PCDHGB1: variants seen among roughly 807,000 people sequenced by gnomAD.
The protein encoded by PCDHGB1 is protocadherin gamma subfamily B, 1.
A neutral mutation model predicts 56.6 loss-of-function variants in PCDHGB1; 34 were observed. The observed-to-expected ratio is 0.60, with a 90% confidence interval of 0.46 to 0.80. The LOEUF (loss-of-function observed/expected upper bound fraction) is 0.80. Among genes scored for constraint, PCDHGB1 ranks in the 30% least tolerant of loss-of-function variants. PCDHGB1 has a pLI of 0.00. For synonymous variants in PCDHGB1, 561 were observed against 505.9 expected (o/e 1.11, Z -1.46); for missense variants, 1,278 against 1,204.6 (o/e 1.06, Z -0.90).
intron 1 of PCDHGB1, among the ~76,000 whole-genome samples, chr5:141,368,592 A>T (rs1277512291): frequency 6.6e-6 from 1 of 152,198 alleles, no homozygotes; most frequent in South Asian, 2.1e-4. Flanking sequence ...TGTTTGGGAA[A>T]AAAGTAAAGG....
chr5:141,501,162 C>T (rs922957843), intron 2 of PCDHGB1, among the ~76,000 whole-genome samples: 1 of 152,134 alleles, frequency 6.6e-6, no homozygotes, highest in Non-Finnish European at 1.5e-5. Context: ...CCACCATCCC[C>T]AGCCTCATTT....
At chr5:141,398,683 C>T (rs910361681) in intron 1 of PCDHGB1, 1 of 1,613,796 alleles carries the variant, frequency 6.2e-7, no homozygotes, top group African/African-American at 1.3e-5. Flanking sequence ...TAAGGAGAAA[C>T]AGGATGGTAG....
At chr5:141,411,394 A>AC (rs958605809) in intron 1 of PCDHGB1, 4 of 151,570 alleles carry the variant, frequency 2.6e-5, no homozygotes, top group South Asian at 2.1e-4. Context: ...ATATAGGGAG[A>AC]CCCCCCATCT....
At chr5:141,503,517 T>C (rs6878542) in intron 2 of PCDHGB1, among the ~76,000 whole-genome samples, 77,350 of 150,132 alleles carry the variant, frequency 0.52, 20,504 homozygotes, top group African/African-American at 0.63. Flanking sequence ...GAGAATCACT[T>C]GAACCTGGGA....
rs760611278 is a variant in PCDHGB1, at chr5:141,351,085, C to T, written c.825C>T (p.Thr275=). ...DQDEGINAEI[T]YAFLNSPIST... ...ATGAGGGCATTAATGCAGAGATCACCTATGCCTTCCTCAATTCCCCAATAA... is the reference window on the plus strand; with the variant it reads ...ATGAGGGCATTAATGCAGAGATCACTTATGCCTTCCTCAATTCCCCAATAA... Residue 275 remains threonine (T), a synonymous_variant, in exon 1 of 4, where the codon ACC becomes ACT. Coordinates refer to ENST00000523390, the MANE Select transcript of PCDHGB1 (RefSeq NM_018922.3). 4.3e-6 allele frequency: 7 copies of T among 1,614,034 alleles called. No individual in the cohort carries two copies. Among genetic ancestry groups the T allele is most frequent in the African/African-American group, 1.3e-5 (1 of 75,062 alleles).
chr5:141,418,985 T>G, intron 1 of PCDHGB1: 1 of 1,613,882 alleles, frequency 6.2e-7, no homozygotes, highest in Non-Finnish European at 8.5e-7. Context: ...GGACCAAGAC[T>G]CAGGGGAAAA....
intron 1 of PCDHGB1, chr5:141,364,648 T>C (rs1199111606): frequency 6.2e-7 from 1 of 1,614,082 alleles, no homozygotes; most frequent in Non-Finnish European, 8.5e-7. Context: ...TGGTGAACTT[T>C]AACATCTTGG....
At chr5:141,383,473 C>A (rs764928203) in intron 1 of PCDHGB1, 1 of 1,613,568 alleles carries the variant, frequency 6.2e-7, no homozygotes, top group African/African-American at 1.3e-5. Flanking sequence ...AACTAAGTAC[C>A]CGGAACTGGT....
Position 141,383,159 on chromosome 5 carries a change from CG to C in PCDHGB1, c.2409+30493del, listed in dbSNP as rs546342817. ...CAGCGCAGCGGCAGCTTGGTCACTG[CG>C]GGCAGGATAGACCGGGAAGAGATCT... On this transcript the variant is annotated intron_variant, in intron 1 of 3. Transcript: ENST00000523390. 2.4e-4 allele frequency: 391 copies of C among 1,614,104 alleles called. 5 individuals are homozygous for C. In the South Asian group the frequency reaches 3.9e-3, roughly 16 times the overall value.
At chr5:141,369,815 G>A (rs1204825120) in intron 1 of PCDHGB1, among the ~76,000 whole-genome samples, 2 of 152,150 alleles carry the variant, frequency 1.3e-5, no homozygotes, top group South Asian at 2.1e-4. Flanking sequence ...ACCAAAAATA[G>A]CTTCCATTTG....
At chr5:141,447,275 G>C (rs2098532748) in intron 1 of PCDHGB1, among the ~76,000 whole-genome samples, 1 of 152,154 alleles carries the variant, frequency 6.6e-6, no homozygotes, top group African/African-American at 2.4e-5. Flanking sequence ...AAGTAGCTGG[G>C]ACTACAGGCA....
At chr5:141,473,623 A>T (rs186624707) in intron 1 of PCDHGB1, among the ~76,000 whole-genome samples, 8 of 152,280 alleles carry the variant, frequency 5.3e-5, no homozygotes, top group Non-Finnish European at 1.5e-5. Flanking sequence ...GAGGGAGGAA[A>T]AAGCAGCTTT....
chr5:141,474,358 C>A (rs189724264), intron 1 of PCDHGB1, among the ~76,000 whole-genome samples: 30 of 152,290 alleles, frequency 2.0e-4, no homozygotes, highest in African/African-American at 6.5e-4. Context: ...AGTCATGTCT[C>A]AGTAGGTCTA....
chr5:141,476,727 G>A lies in PCDHGB1; in HGVS notation c.2410-18080G>A, dbSNP rs762236731. On this transcript the variant is annotated intron_variant, in intron 1 of 3. Coordinates refer to ENST00000523390, the MANE Select transcript of PCDHGB1 (RefSeq NM_018922.3). This position sits in a 1 kb window ranked among gnomAD's most constrained non-coding sequence, Gnocchi z 7.6. ...CTGGTGTTGGAGCGCGCCCTGGACC[G>A]AGAACGGGAGCCTAGTCTCCAGTTA... 5 of 1,614,108 alleles carry A rather than the reference G, an allele frequency of 3.1e-6. No individual in the cohort carries two copies. Among genetic ancestry groups the A allele is most frequent in the Non-Finnish European group, 4.2e-6 (5 of 1,180,032 alleles).
chr5:141,352,389 G>T lies in PCDHGB1; in HGVS notation c.2129G>T (p.Arg710Leu), dbSNP rs768350578. The T allele has an allele frequency of 3.1e-6, 5 of 1,614,006 alleles. No individual in the cohort carries two copies. The highest frequency in any genetic ancestry group is 4.2e-6 in the Non-Finnish European group (5 of 1,179,896). Reference protein sequence around the residue: ...LLAVILAIALRLRRSSSLDTE... With the variant: ...LLAVILAIALLLRRSSSLDTE... ...GCGGTGATTCTAGCGATCGCCCTGC[G>T]CCTGCGACGTTCCTCCAGCCTCGAC... Residue 710 changes from arginine (R) to leucine (L), a missense_variant, in exon 1 of 4, where the codon CGC (arginine) becomes CTC (leucine). Transcript: ENST00000523390.
chr5:141,360,404 T>C, intron 1 of PCDHGB1: 2 of 1,613,934 alleles, frequency 1.2e-6, no homozygotes, highest in South Asian at 1.1e-5. Flanking sequence ...AGTGACAGAA[T>C]AGACCGAGAA....
intron 1 of PCDHGB1, chr5:141,361,788 A>G (rs1860254): frequency 1.2e-4 from 192 of 1,612,992 alleles, no homozygotes; most frequent in African/African-American, 7.1e-4. Context: ...TGCGCGTGTT[A>G]GTGGGCGACC....
At position 141,355,073 on chromosome 5, in the gene PCDHGB1, G is replaced by A. The variant is rs564190348; in HGVS notation, c.2409+2404G>A. 7.9e-5 allele frequency: 109 copies of A among 1,374,920 alleles called. No individual in the cohort carries two copies. The African/African-American group carries it at 9.3e-4, about 12-fold the overall frequency. The allele number at this position is 1,374,920 out of a possible 1,614,324, so 85.2% of individuals were successfully genotyped here. A position where few individuals can be genotyped will look rare whatever the true frequency, so the allele number is the denominator to read the frequency against. On this transcript the variant is annotated intron_variant, in intron 1 of 3. Coordinates refer to ENST00000523390, the MANE Select transcript of PCDHGB1 (RefSeq NM_018922.3). ...GCACTGGCTCTGGAGCTTTATGAAA[G>A]CTTCAAGCGGAAGCCCTGAGAGCTC...
chr5:141,458,633 A>C (rs548586597), intron 1 of PCDHGB1, among the ~76,000 whole-genome samples: 12 of 151,884 alleles, frequency 7.9e-5, no homozygotes, highest in Non-Finnish European at 1.5e-4. Flanking sequence ...GCAGTGGCAC[A>C]ATCCCAGCTC....
Sources: allele counts gnomAD v4.1 joint callset (sites outside exome capture counted in the v4.1 genomes callset), GRCh38; gene constraint gnomAD v4.1.1; non-coding constraint Gnocchi (gnomAD v3.1); transcripts MANE v1.5; gene names NCBI Gene and HGNC (gene_info 2026-07-23, HGNC 2026-07-21).